The following TAFA4 variants were observed in gnomAD, a reference collection of about 807,000 sequenced individuals.
TAFA4 encodes the protein chemokine-like protein TAFA-4.
TAFA4 carries 20 observed loss-of-function variants against 21.1 expected under a neutral mutation model. That is an observed-to-expected ratio of 0.95 (90% CI 0.67 to 1.38). The LOEUF is 1.38. Ranked by LOEUF, TAFA4 falls within the 40% of genes most tolerant of loss-of-function variation. The pLI, the probability that TAFA4 is intolerant of heterozygous loss-of-function variation, is 0.00. For synonymous variants in TAFA4, 71 were observed against 67.4 expected (o/e 1.05, Z -0.26); for missense variants, 211 against 180.9 (o/e 1.17, Z -0.95).
intron 4 of TAFA4, among the ~76,000 whole-genome samples, chr3:68,742,762 A>C (rs1702381281): frequency 6.6e-6 from 1 of 152,226 alleles, no homozygotes; most frequent in Non-Finnish European, 1.5e-5. Context: ...CTTCATCGAA[A>C]TGAAAAAACT....
At chr3:68,913,947 T>G (rs2089982325) in intron 1 of TAFA4, among the ~76,000 whole-genome samples, 1 of 152,182 alleles carries the variant, frequency 6.6e-6, no homozygotes. Flanking sequence ...ATAAAATAAG[T>G]GCTATATGTG....
intron 1 of TAFA4, among the ~76,000 whole-genome samples, chr3:68,898,455 C>T (rs1313140293): frequency 6.6e-6 from 1 of 152,114 alleles, no homozygotes; most frequent in Non-Finnish European, 1.5e-5. Flanking sequence ...GAGACCAGCC[C>T]GGCCAACATA....
chr3:68,901,197 G>C (rs1376590630), intron 1 of TAFA4, among the ~76,000 whole-genome samples: 2 of 151,928 alleles, frequency 1.3e-5, no homozygotes, highest in Non-Finnish European at 2.9e-5. Context: ...ACAGAAATAA[G>C]ACTAGAAGAG....
At chr3:68,882,373 C>T (rs2089628830) in intron 2 of TAFA4, among the ~76,000 whole-genome samples, 1 of 152,026 alleles carries the variant, frequency 6.6e-6, no homozygotes, top group African/African-American at 2.4e-5. Flanking sequence ...CATACAATGT[C>T]CAGATTGCAA....
chr3:68,743,068 C>T (rs528779858), intron 4 of TAFA4, among the ~76,000 whole-genome samples: 1 of 152,220 alleles, frequency 6.6e-6, no homozygotes, highest in South Asian at 2.1e-4. Context: ...ACATTGTACC[C>T]GATTCTGGCC....
At chr3:68,890,950 G>GTATGCTAAAGTATGTTGTAAA (rs2089724287) in intron 1 of TAFA4, among the ~76,000 whole-genome samples, 1 of 152,164 alleles carries the variant, frequency 6.6e-6, no homozygotes, top group African/African-American at 2.4e-5. Context: ...TGAAAAGCTA[G>GTATGCTAAAGTATGTTGTAAA]TGAAAAACAG....
intron 3 of TAFA4, among the ~76,000 whole-genome samples, chr3:68,793,340 C>T (rs370305371): frequency 3.3e-5 from 5 of 152,162 alleles, no homozygotes; most frequent in East Asian, 1.9e-4. Flanking sequence ...TGCACTCAGA[C>T]GGCTATTGCT....
At chr3:68,740,185 C>A (rs1702324169) in intron 4 of TAFA4, among the ~76,000 whole-genome samples, 1 of 152,146 alleles carries the variant, frequency 6.6e-6, no homozygotes, top group Non-Finnish European at 1.5e-5. Flanking sequence ...TAAAGTTAAT[C>A]CACGTGTGAA....
intron 3 of TAFA4, among the ~76,000 whole-genome samples, chr3:68,779,537 A>C (rs1175450664): frequency 6.6e-6 from 1 of 152,140 alleles, no homozygotes; most frequent in East Asian, 1.9e-4. Context: ...AGTGCCCTGC[A>C]TCCTAACTGC....
In TAFA4 at chr3:68,910,726, G is replaced by C. The variant is rs117818513; in HGVS notation, c.-123+21514C>G. 2.4e-4 allele frequency among the ~76,000 whole-genome samples: 36 copies of C among 152,308 alleles called. No homozygotes were observed. The East Asian group carries it at 6.8e-3, about 29-fold the overall frequency. On this transcript the variant is annotated intron_variant, in intron 1 of 5. Transcript: ENST00000295569. ...TTCTCAAACTTTAGGGCTAAGAATT[G>C]TTCTGCAGGGTTGTACACAAAAATA...
intron 1 of TAFA4, among the ~76,000 whole-genome samples, chr3:68,931,584 G>A (rs1575679521): frequency 6.6e-6 from 1 of 152,332 alleles, no homozygotes. Context: ...GAAAAAGAGC[G>A]AAAGAAATGT....
At chr3:68,878,225 A>G (rs1161267661) in intron 3 of TAFA4, among the ~76,000 whole-genome samples, 1 of 152,230 alleles carries the variant, frequency 6.6e-6, no homozygotes, top group African/African-American at 2.4e-5. Context: ...AGGGAAATGG[A>G]ACTATTAAAG....
intron 3 of TAFA4, among the ~76,000 whole-genome samples, chr3:68,841,587 T>G (rs1482912966): frequency 1.3e-5 from 2 of 152,090 alleles, no homozygotes; most frequent in African/African-American, 4.8e-5. Flanking sequence ...CTTTAAGTTC[T>G]GGGATGCATG....
chr3:68,744,896 A>C (rs1020882413), intron 4 of TAFA4, among the ~76,000 whole-genome samples: 2 of 152,210 alleles, frequency 1.3e-5, no homozygotes, highest in South Asian at 2.1e-4. Context: ...GATTCCTTAA[A>C]ATAGCAAGCT....
intron 1 of TAFA4, among the ~76,000 whole-genome samples, chr3:68,913,210 C>T (rs573525877): frequency 5.5e-4 from 84 of 152,330 alleles, no homozygotes; most frequent in African/African-American, 1.9e-3. Context: ...GTGCTGTGTG[C>T]TGTACATGCA....
chr3:68,876,718 T>C (rs1407487926), intron 3 of TAFA4, among the ~76,000 whole-genome samples: 1 of 151,314 alleles, frequency 6.6e-6, no homozygotes, highest in Non-Finnish European at 1.5e-5. Context: ...CATGCATATT[T>C]TGCATAATCA....
intron 1 of TAFA4, among the ~76,000 whole-genome samples, chr3:68,905,212 G>A (rs1349831207): frequency 2.1e-5 from 3 of 146,258 alleles, no homozygotes; most frequent in Admixed American, 6.8e-5. Context: ...TAGAGTGCAA[G>A]TGGTGCGATC....
intron 3 of TAFA4, among the ~76,000 whole-genome samples, chr3:68,792,231 C>T (rs1703375426): frequency 6.6e-6 from 1 of 152,148 alleles, no homozygotes; most frequent in South Asian, 2.1e-4. Context: ...CTAAAAAGTC[C>T]TTTCATCATT....
At chr3:68,901,224 G>A (rs2089841162) in intron 1 of TAFA4, among the ~76,000 whole-genome samples, 1 of 151,998 alleles carries the variant, frequency 6.6e-6, no homozygotes, top group Non-Finnish European at 1.5e-5. Context: ...CCAGGTCCCT[G>A]AAGGTCATTC....
Sources: allele counts gnomAD v4.1 joint callset (sites outside exome capture counted in the v4.1 genomes callset), GRCh38; gene constraint gnomAD v4.1.1; transcripts MANE v1.5; gene names NCBI Gene and HGNC (gene_info 2026-07-23, HGNC 2026-07-21).